LDB2: variants seen among roughly 807,000 people sequenced by gnomAD.
LDB2 encodes LIM domain-binding protein 2.
Under a neutral mutation model 44.3 loss-of-function variants are expected in LDB2, and 12 were observed. The observed-to-expected ratio is 0.27, with a 90% CI of 0.17 to 0.44. The LOEUF is 0.44. Ranked by LOEUF, LDB2 falls within the 20% of genes least tolerant of loss-of-function variation. LDB2 has a pLI of 1.00. For missense variants in LDB2, 344 were observed against 473.5 expected, an observed-to-expected ratio of 0.73 and a Z score of 2.54; for synonymous variants, 164 against 174.8, an observed-to-expected ratio of 0.94 and a Z score of 0.49.
At chr4:16,883,132 G>C (rs1720641503) in intron 1 of LDB2, among the ~76,000 whole-genome samples, 1 of 152,232 alleles carries the variant, frequency 6.6e-6, no homozygotes, top group Non-Finnish European at 1.5e-5. Flanking sequence ...CGAAAGGCAA[G>C]ACACTGTGAC....
intron 1 of LDB2, among the ~76,000 whole-genome samples, chr4:16,832,503 A>C (rs1784241035): frequency 6.6e-6 from 1 of 152,240 alleles, no homozygotes; most frequent in East Asian, 1.9e-4. Flanking sequence ...CCTTAAACTG[A>C]ATTAACTTTT....
Position 16,855,876 on chromosome 4 carries a change from T to C in LDB2, c.132+42478A>G, listed in dbSNP as rs558520125. 1.5e-4 allele frequency among the ~76,000 whole-genome samples: 23 copies of C among 152,246 alleles called. 1 individual carries two copies. Among genetic ancestry groups the C allele is most frequent in the African/African-American group, 5.3e-4 (22 of 41,574 alleles). On this transcript the variant is annotated intron_variant, in intron 1 of 7. Transcript: ENST00000304523. ...TATAAATTCATGAGTGGGTAAAATA[T>C]CCATTCAAAGTGCAAGATGGACTAA... is the stretch of plus-strand genomic sequence containing the variant.
intron 2 of LDB2, among the ~76,000 whole-genome samples, chr4:16,598,745 A>C (rs190909817): frequency 1.3e-5 from 2 of 152,172 alleles, no homozygotes; most frequent in East Asian, 3.9e-4. Context: ...AATACAGAAG[A>C]AAAGCAAAGC....
intron 1 of LDB2, among the ~76,000 whole-genome samples, chr4:16,768,680 CT>C (rs1338324148): frequency 2.0e-5 from 3 of 152,152 alleles, no homozygotes. Flanking sequence ...ACAAGCCACC[CT>C]TTCTCCAAAA....
intron 6 of LDB2, among the ~76,000 whole-genome samples, chr4:16,509,030 G>C (rs933106572): frequency 1.3e-5 from 2 of 152,032 alleles, no homozygotes; most frequent in African/African-American, 4.8e-5. Context: ...AGAAAATTTG[G>C]GAAACTTTTT....
chr4:16,542,101 T>TGGGC (rs1553889140), intron 5 of LDB2, among the ~76,000 whole-genome samples: 1 of 83,652 alleles, frequency 1.2e-5, no homozygotes, highest in African/African-American at 5.2e-5. Context: ...CATCAGGTGG[T>TGGGC]GGGGGGGGGG....
chr4:16,516,396 A>C (rs933574901), intron 5 of LDB2, among the ~76,000 whole-genome samples: 6 of 152,260 alleles, frequency 3.9e-5, no homozygotes, highest in African/African-American at 1.4e-4. Flanking sequence ...TACATCAACA[A>C]ACAAACATTT....
chr4:16,843,946 T>C (rs891022002), intron 1 of LDB2, among the ~76,000 whole-genome samples: 6 of 151,726 alleles, frequency 4.0e-5, no homozygotes, highest in Non-Finnish European at 7.4e-5. Flanking sequence ...AACTAAGGAG[T>C]TTGCTTTCCC....
chr4:16,566,529 A>G (rs550035850), intron 5 of LDB2, among the ~76,000 whole-genome samples: 1 of 152,252 alleles, frequency 6.6e-6, no homozygotes, highest in South Asian at 2.1e-4. Context: ...AGGTGGATCA[A>G]TTATTTAAAC....
chr4:16,518,524 T>G (rs1466826390), intron 5 of LDB2, among the ~76,000 whole-genome samples: 4 of 152,046 alleles, frequency 2.6e-5, no homozygotes, highest in Non-Finnish European at 5.9e-5. Flanking sequence ...CTCCTCTTTC[T>G]CAGTCATCTT....
At chr4:16,768,748 G>C (rs1769928004) in intron 1 of LDB2, among the ~76,000 whole-genome samples, 1 of 152,068 alleles carries the variant, frequency 6.6e-6, no homozygotes, top group African/African-American at 2.4e-5. Flanking sequence ...AATAATAATA[G>C]TCAACAGTTA....
At chr4:16,593,549 A>G (rs1719854435) in intron 3 of LDB2, among the ~76,000 whole-genome samples, 1 of 152,198 alleles carries the variant, frequency 6.6e-6, no homozygotes, top group Non-Finnish European at 1.5e-5. Context: ...ATAAATGTGC[A>G]TAATTAGCAT....
Position 16,533,961 on chromosome 4 carries a change from G to T in LDB2, c.616-21857C>A, listed in dbSNP as rs1730926460. 6.6e-6 allele frequency among the ~76,000 whole-genome samples: 1 copy of T among 152,024 alleles called. No individual in the cohort carries two copies. Among genetic ancestry groups the T allele is most frequent in the Admixed American group, 6.6e-5 (1 of 15,254 alleles). ...AACCACATTCATAATAATATAATTA[G>T]CAATACAATTCATACCATACAGCAT... On this transcript the variant is annotated intron_variant, in intron 5 of 7. Coordinates refer to ENST00000304523, the MANE Select transcript of LDB2 (RefSeq NM_001290.5). This position sits in a 1 kb window ranked among gnomAD's most constrained non-coding sequence, Gnocchi z 4.1.
rs1161550469 is a variant in LDB2, at chr4:16,502,639, C to A, written c.*4G>T. The stretch of plus-strand genomic sequence containing the variant: ...ATTGACAGTGGATTCTGGTGCCGAT[C>A]ATCTTATTGGGAAGCCTGGGGTGGG... On this transcript the variant is annotated 3_prime_UTR_variant, in exon 8 of 8. Transcript: ENST00000304523. The A allele has an allele frequency of 3.1e-6, 5 of 1,612,978 alleles. No homozygotes were observed. The African/African-American group carries it at 6.7e-5, about 22-fold the overall frequency.
intron 1 of LDB2, among the ~76,000 whole-genome samples, chr4:16,772,727 A>C (rs762953418): frequency 4.1e-4 from 62 of 152,252 alleles, no homozygotes; most frequent in African/African-American, 6.3e-4. Context: ...AATAGAAAAA[A>C]ACACACACAC....
At chr4:16,743,505 A>G (rs546102212) in intron 2 of LDB2, among the ~76,000 whole-genome samples, 163 of 152,276 alleles carry the variant, frequency 1.1e-3, no homozygotes, top group African/African-American at 3.7e-3. Flanking sequence ...GTCCCTAATC[A>G]GATGACTTTG....
At chr4:16,649,057 A>G (rs1057089301) in intron 2 of LDB2, among the ~76,000 whole-genome samples, 25 of 152,232 alleles carry the variant, frequency 1.6e-4, no homozygotes, top group African/African-American at 6.0e-4. Flanking sequence ...AAAGAAAAAT[A>G]TTAATTCTAT....
intron 2 of LDB2, among the ~76,000 whole-genome samples, chr4:16,703,151 T>C (rs983546880): frequency 6.6e-6 from 1 of 152,078 alleles, no homozygotes. Context: ...ACATAAACAA[T>C]ATTCCAGAAA....
chr4:16,724,663 A>T (rs1759045067), intron 2 of LDB2, among the ~76,000 whole-genome samples: 1 of 152,144 alleles, frequency 6.6e-6, no homozygotes, highest in African/African-American at 2.4e-5. Context: ...CCATGTCAAT[A>T]CTTTTCAGGT....
Sources: allele counts gnomAD v4.1 joint callset (sites outside exome capture counted in the v4.1 genomes callset), GRCh38; gene constraint gnomAD v4.1.1; non-coding constraint Gnocchi (gnomAD v3.1); transcripts MANE v1.5; gene names NCBI Gene and HGNC (gene_info 2026-07-23, HGNC 2026-07-21).